MYO1B: variants seen among roughly 807,000 people sequenced by gnomAD.
MYO1B encodes myosin IB, also known as unconventional myosin-Ib.
MYO1B carries 72 observed loss-of-function variants against 159.7 expected under a neutral mutation model. That is an observed-to-expected ratio of 0.45 (90% CI 0.37 to 0.55). The LOEUF (loss-of-function observed/expected upper bound fraction) is 0.55. Among genes scored for constraint, MYO1B ranks in the 20% least tolerant of loss-of-function variants. The pLI is 0.00. For synonymous variants in MYO1B, 468 were observed against 473.8 expected, an observed-to-expected ratio of 0.99 and a Z score of 0.16; for missense variants, 1,062 against 1,364.8, an observed-to-expected ratio of 0.78 and a Z score of 3.50.
At chr2:191,288,283 G>A (rs910445060) in intron 2 of MYO1B, among the ~76,000 whole-genome samples, 3 of 151,806 alleles carry the variant, frequency 2.0e-5, no homozygotes, top group Admixed American at 2.0e-4. Flanking sequence ...GTGGCTGGGC[G>A]GCATTCAGCT....
chr2:191,331,063 C>G (rs1261061862), intron 4 of MYO1B, among the ~76,000 whole-genome samples: 1 of 152,206 alleles, frequency 6.6e-6, no homozygotes, highest in Non-Finnish European at 1.5e-5. Flanking sequence ...CTACTCTTTA[C>G]TCCACTTGCC....
intron 18 of MYO1B, among the ~76,000 whole-genome samples, chr2:191,391,898 A>G (rs1448044043): frequency 1.3e-5 from 2 of 152,234 alleles, no homozygotes; most frequent in East Asian, 3.8e-4. Flanking sequence ...CTTAGAATAC[A>G]TAGTTATGAA....
rs1693363231 is a variant in MYO1B at position 191,357,345 on chromosome 2, A to G, written c.563-3286A>G. 5.3e-5 allele frequency among the ~76,000 whole-genome samples: 8 copies of G among 152,160 alleles called. No individual in the cohort carries two copies. In the South Asian group the frequency reaches 1.7e-3, roughly 32 times the overall value. ...CTAGGAAAGCCCCTACATAACGGCC[A>G]GGCTCCGTGTCGATAGTCGGGTGGC... On this transcript the variant is annotated intron_variant, in intron 7 of 30. Transcript: ENST00000392318.
At chr2:191,397,171 A>AT (rs1297805798) in intron 21 of MYO1B, among the ~76,000 whole-genome samples, 2 of 38,932 alleles carry the variant, frequency 5.1e-5, no homozygotes, top group Non-Finnish European at 1.2e-4. Context: ...GGTGGGATGT[A>AT]TTTTTTTTAT....
chr2:191,315,057 A>C (rs1690256051), intron 3 of MYO1B, among the ~76,000 whole-genome samples: 1 of 152,250 alleles, frequency 6.6e-6, no homozygotes, highest in South Asian at 2.1e-4. Flanking sequence ...ATGAACAAAA[A>C]TTATCTGGGC....
intron 24 of MYO1B, among the ~76,000 whole-genome samples, chr2:191,404,873 A>T (rs570741980): frequency 6.6e-6 from 1 of 152,308 alleles, no homozygotes; most frequent in Non-Finnish European, 1.5e-5. Flanking sequence ...CTTGATGTCG[A>T]TGGCTGCTGA....
intron 4 of MYO1B, among the ~76,000 whole-genome samples, chr2:191,340,940 G>A (rs891213598): frequency 2.6e-5 from 4 of 152,092 alleles, no homozygotes; most frequent in Non-Finnish European, 4.4e-5. Context: ...AGCCAGGCTG[G>A]TCTCAACCTC....
chr2:191,397,034 C>T (rs569987431), intron 21 of MYO1B, among the ~76,000 whole-genome samples: 3 of 150,884 alleles, frequency 2.0e-5, no homozygotes, highest in Non-Finnish European at 4.4e-5. Context: ...CAGGCTACAG[C>T]TAGCCTGCTT....
intron 24 of MYO1B, among the ~76,000 whole-genome samples, chr2:191,403,747 T>C (rs1696748925): frequency 6.6e-6 from 1 of 152,236 alleles, no homozygotes; most frequent in Admixed American, 6.5e-5. Context: ...TTGAAGTAAT[T>C]AAGAAGTAAC....
chr2:191,373,836 T>C (rs1311331969), intron 13 of MYO1B, among the ~76,000 whole-genome samples: 3 of 152,242 alleles, frequency 2.0e-5, no homozygotes, highest in Non-Finnish European at 4.4e-5. Context: ...GTAAATAATT[T>C]TTCTTTTTTT....
At chr2:191,411,702 G>C (rs1005691290) in intron 27 of MYO1B, among the ~76,000 whole-genome samples, 5 of 152,134 alleles carry the variant, frequency 3.3e-5, no homozygotes, top group Non-Finnish European at 5.9e-5. Flanking sequence ...TCTGTGGCCT[G>C]TACAGCACGT....
chr2:191,356,180 G>C (rs1693266433), intron 7 of MYO1B, among the ~76,000 whole-genome samples: 1 of 152,152 alleles, frequency 6.6e-6, no homozygotes, highest in African/African-American at 2.4e-5. Context: ...TATATGTATT[G>C]AGGTGAAATA....
At chr2:191,379,052 G>A (rs776659737) in intron 13 of MYO1B, among the ~76,000 whole-genome samples, 3 of 152,126 alleles carry the variant, frequency 2.0e-5, no homozygotes, top group Non-Finnish European at 4.4e-5. Context: ...GCAAACCACA[G>A]TTCAGACACC....
intron 12 of MYO1B, 33 bp downstream of exon 12, chr2:191,369,661 A>G (rs753893334): frequency 6.7e-7 from 1 of 1,493,844 alleles, no homozygotes; most frequent in East Asian, 2.3e-5. Context: ...ATCAGTTGTA[A>G]TAAATGGTAT....
intron 29 of MYO1B, 131 bp downstream of exon 29, chr2:191,414,800 A>C: frequency 2.4e-6 from 2 of 849,238 alleles, no homozygotes; most frequent in Non-Finnish European, 3.3e-6. Context: ...ATTCACCCCT[A>C]TGTAAAATCT....
At chr2:191,312,685 A>G (rs939508864) in intron 3 of MYO1B, among the ~76,000 whole-genome samples, 1 of 152,244 alleles carries the variant, frequency 6.6e-6, no homozygotes, top group Non-Finnish European at 1.5e-5. Flanking sequence ...AGGTAACACC[A>G]TCCAATGTAT....
At chr2:191,319,417 C>T (rs956694316) in intron 3 of MYO1B, among the ~76,000 whole-genome samples, 1 of 152,148 alleles carries the variant, frequency 6.6e-6, no homozygotes, top group African/African-American at 2.4e-5. Flanking sequence ...GCTTCTCTCT[C>T]CATGGTCTGA....
At chr2:191,336,615 T>C (rs144772641) in intron 4 of MYO1B, among the ~76,000 whole-genome samples, 1 of 152,154 alleles carries the variant, frequency 6.6e-6, no homozygotes, top group African/African-American at 2.4e-5. Flanking sequence ...GCAGGGCCCA[T>C]GCATTTAGTA....
Position 191,298,816 on chromosome 2 carries a change from C to G in MYO1B, c.251+2590C>G, listed in dbSNP as rs555350387. 3.3e-5 allele frequency among the ~76,000 whole-genome samples: 5 copies of G among 152,242 alleles called. No individual in the cohort carries two copies. The South Asian group carries it at 1.0e-3, about 32-fold the overall frequency. On this transcript the variant is annotated intron_variant, in intron 3 of 30. Coordinates refer to ENST00000392318, the MANE Select transcript of MYO1B (RefSeq NM_001130158.3). ...AATGGGGAAATTGTCACAGAAAGATCAAGTAACTTATCCAAAGCCACACAG... is the reference window on the plus strand; with the variant it reads ...AATGGGGAAATTGTCACAGAAAGATGAAGTAACTTATCCAAAGCCACACAG...
Sources: allele counts gnomAD v4.1 joint callset (sites outside exome capture counted in the v4.1 genomes callset), GRCh38; gene constraint gnomAD v4.1.1; transcripts MANE v1.5; gene names NCBI Gene and HGNC (gene_info 2026-07-23, HGNC 2026-07-21).